Variants in CCSER1 observed in about 807,000 individuals in gnomAD.
The protein encoded by CCSER1 is coiled-coil serine rich protein 1, also known as serine-rich coiled-coil domain-containing protein 1.
In CCSER1, 41 loss-of-function variants were observed where a neutral mutation model predicts 82.0. The ratio of observed to expected loss-of-function variants is 0.50; its 90% confidence interval spans 0.39 to 0.65. The LOEUF (loss-of-function observed/expected upper bound fraction) is 0.65, where lower values mean the gene tolerates loss of function less well. CCSER1 is among the 30% of genes least tolerant of loss of function. CCSER1 has a pLI of 0.00. For synonymous variants in CCSER1, 414 were observed against 383.9 expected (o/e 1.08, Z -0.92); for missense variants, 1,119 against 1,064.2 (o/e 1.05, Z -0.72).
chr4:90,962,870 A>G (rs1734183971), intron 9 of CCSER1, among the ~76,000 whole-genome samples: 1 of 152,142 alleles, frequency 6.6e-6, no homozygotes, highest in African/African-American at 2.4e-5. Context: ...GGATAATGAA[A>G]AATTCTACTA....
intron 5 of CCSER1, among the ~76,000 whole-genome samples, chr4:90,498,590 A>T (rs892307888): frequency 4.6e-5 from 7 of 152,222 alleles, no homozygotes; most frequent in Admixed American, 1.3e-4. Context: ...ATTGTAAATT[A>T]TAATGGCATG....
intron 5 of CCSER1, among the ~76,000 whole-genome samples, chr4:90,607,772 A>G (rs1784921595): frequency 6.6e-6 from 1 of 152,206 alleles, no homozygotes; most frequent in Admixed American, 6.5e-5. Flanking sequence ...GGGAGACACA[A>G]TTCAACCCAT....
At chr4:90,732,387 A>T (rs761569343) in intron 7 of CCSER1, among the ~76,000 whole-genome samples, 3 of 152,148 alleles carry the variant, frequency 2.0e-5, no homozygotes, top group Admixed American at 2.0e-4. Flanking sequence ...CTCTACCAGC[A>T]ATGTGAACAG....
At chr4:90,332,852 A>C (rs1739577184) in intron 3 of CCSER1, among the ~76,000 whole-genome samples, 1 of 152,170 alleles carries the variant, frequency 6.6e-6, no homozygotes, top group African/African-American at 2.4e-5. Flanking sequence ...ACAGTATTTT[A>C]TTTAATATAA....
chr4:90,297,503 T>A (rs1411874569), intron 1 of CCSER1, among the ~76,000 whole-genome samples: 1 of 151,084 alleles, frequency 6.6e-6, no homozygotes, highest in East Asian at 1.9e-4. Flanking sequence ...CCTGCCTGAT[T>A]GCCCTGGCCA....
intron 10 of CCSER1, among the ~76,000 whole-genome samples, chr4:91,226,126 G>A (rs573085318): frequency 3.4e-4 from 51 of 151,816 alleles, no homozygotes; most frequent in South Asian, 2.3e-3. Flanking sequence ...TTTAACATTA[G>A]GTATATCTCC....
chr4:91,183,866 G>A (rs1215561020), intron 10 of CCSER1, among the ~76,000 whole-genome samples: 2 of 152,172 alleles, frequency 1.3e-5, no homozygotes, highest in African/African-American at 4.8e-5. Flanking sequence ...TTCCTCTAAG[G>A]ATAGAAAGCA....
At chr4:91,548,839 A>C (rs2110217069) in intron 10 of CCSER1, among the ~76,000 whole-genome samples, 1 of 151,866 alleles carries the variant, frequency 6.6e-6, no homozygotes, top group Middle Eastern at 3.4e-3. Context: ...CCTAAGCGTC[A>C]TTTTCTCAAC....
intron 9 of CCSER1, among the ~76,000 whole-genome samples, chr4:91,074,526 T>A (rs1721758632): frequency 1.3e-5 from 2 of 152,338 alleles, no homozygotes; most frequent in Non-Finnish European, 2.9e-5. Context: ...GGTTAAGGAA[T>A]GCTCTAGAAG....
chr4:91,499,534 T>G (rs1759096364), intron 10 of CCSER1, among the ~76,000 whole-genome samples: 1 of 151,880 alleles, frequency 6.6e-6, no homozygotes, highest in Non-Finnish European at 1.5e-5. Flanking sequence ...TGGTGCAGAT[T>G]CTGTGGGTTT....
chr4:90,730,255 C>T (rs765234248), intron 7 of CCSER1, among the ~76,000 whole-genome samples: 3 of 152,152 alleles, frequency 2.0e-5, no homozygotes, highest in Non-Finnish European at 4.4e-5. Flanking sequence ...CCTGCATAGA[C>T]TCATTTTTGT....
chr4:91,171,549 C>T (rs1157722030), intron 10 of CCSER1, among the ~76,000 whole-genome samples: 2 of 152,114 alleles, frequency 1.3e-5, no homozygotes, highest in African/African-American at 2.4e-5. Context: ...ACATACTCAA[C>T]ATATAAATAC....
chr4:90,753,476 C>T (rs1674622764), intron 7 of CCSER1, among the ~76,000 whole-genome samples: 1 of 152,062 alleles, frequency 6.6e-6, no homozygotes, highest in Admixed American at 6.6e-5. Flanking sequence ...GAAATTCATA[C>T]TTGATTTTTC....
At chr4:90,457,582 G>A (rs796265866) in intron 4 of CCSER1, among the ~76,000 whole-genome samples, 68 of 152,314 alleles carry the variant, frequency 4.5e-4, no homozygotes, top group African/African-American at 1.5e-3. Flanking sequence ...TCTCAGCTGA[G>A]AGAAGACCCA....
rs138874321 is a variant in CCSER1 at position 91,370,429 on chromosome 4, G to T, written c.2218-228143G>T. 6.2e-3 allele frequency among the ~76,000 whole-genome samples: 938 copies of T among 152,212 alleles called. 15 individuals are homozygous for T. Among genetic ancestry groups the T allele is most frequent in the African/African-American group, 0.021 (876 of 41,528 alleles). On this transcript the variant is annotated intron_variant, in intron 10 of 10. Transcript: ENST00000509176. ...AAAAAATGTTTTGCCGGGCATGGTG[G>T]CTCACACCTGTAATCCCAGCACTTT...
chr4:90,722,343 T>G (rs1021214979), intron 6 of CCSER1, among the ~76,000 whole-genome samples: 2 of 151,832 alleles, frequency 1.3e-5, no homozygotes, highest in Non-Finnish European at 3.0e-5. Flanking sequence ...AAATCCAACT[T>G]TAAGAGATTT....
At chr4:91,585,302 T>C (rs528791082) in intron 10 of CCSER1, among the ~76,000 whole-genome samples, 2 of 151,598 alleles carry the variant, frequency 1.3e-5, no homozygotes, top group African/African-American at 2.4e-5. Flanking sequence ...TTAGTTGAGA[T>C]AGCCCCATAT....
intron 5 of CCSER1, among the ~76,000 whole-genome samples, chr4:90,580,326 T>A (rs889440864): frequency 1.2e-4 from 18 of 152,150 alleles, no homozygotes; most frequent in Admixed American, 1.0e-3. Flanking sequence ...ATACCTTGAT[T>A]TCCTCATGTA....
At chr4:90,235,502 A>C (rs1301140523) in intron 1 of CCSER1, among the ~76,000 whole-genome samples, 1 of 152,210 alleles carries the variant, frequency 6.6e-6, no homozygotes, top group Non-Finnish European at 1.5e-5. Flanking sequence ...TAAACACTCG[A>C]ACCCTAGAAT....
Sources: allele counts gnomAD v4.1 joint callset (sites outside exome capture counted in the v4.1 genomes callset), GRCh38; gene constraint gnomAD v4.1.1; transcripts MANE v1.5; gene names NCBI Gene and HGNC (gene_info 2026-07-23, HGNC 2026-07-21).